SLC35D4: variants seen among roughly 807,000 people sequenced by gnomAD.
SLC35D4 encodes the protein solute carrier family 35 member D4, also known as UDP-N-acetylglucosamine transporter SLC35D4.
At chr18:23,414,998 G>T in the SLC35D4 span, among the ~76,000 whole-genome samples, 11 of 152,092 alleles carry the variant, frequency 7.2e-5, no homozygotes, top group Non-Finnish European at 1.0e-4. Context: ...TATAGTTTCA[G>T]CTACTCAGGA....
At chr18:23,353,238 A>C in the SLC35D4 span, among the ~76,000 whole-genome samples, 2 of 151,758 alleles carry the variant, frequency 1.3e-5, no homozygotes, top group Non-Finnish European at 2.9e-5. Context: ...TGCAGTTGTA[A>C]CTCCAAGCTA....
At chr18:23,426,788 CA>C in the SLC35D4 span, among the ~76,000 whole-genome samples, 1 of 152,142 alleles carries the variant, frequency 6.6e-6, no homozygotes, top group African/African-American at 2.4e-5. Flanking sequence ...CTACAGTAAC[CA>C]AAACAGCATG....
At chr18:23,376,542 A>C in the SLC35D4 span, among the ~76,000 whole-genome samples, 3 of 152,240 alleles carry the variant, frequency 2.0e-5, no homozygotes, top group Admixed American at 6.5e-5. Flanking sequence ...AATCCAAGGC[A>C]AACAGTGGGG....
the SLC35D4 span, among the ~76,000 whole-genome samples, chr18:23,411,546 A>AAAGAAAGAAAGG: frequency 2.1e-3 from 306 of 148,956 alleles, no homozygotes; most frequent in Non-Finnish European, 3.5e-3. Flanking sequence ...AGAAAGAAAG[A>AAAGAAAGAAAGG]AAGAAAGGTG....
chr18:23,251,490 A>C, the SLC35D4 span, among the ~76,000 whole-genome samples: 1 of 152,110 alleles, frequency 6.6e-6, no homozygotes, highest in African/African-American at 2.4e-5. Context: ...AGTCAGCCAA[A>C]AAAGACCCAG....
chr18:23,267,094 T>G, the SLC35D4 span, among the ~76,000 whole-genome samples: 8,916 of 152,314 alleles, frequency 0.059, 557 homozygotes, highest in Admixed American at 0.19. Flanking sequence ...GTGCTTGCCC[T>G]GCCGCCCCAC....
chr18:23,256,554 C>T, the SLC35D4 span, among the ~76,000 whole-genome samples: 723 of 152,236 alleles, frequency 4.7e-3, 3 homozygotes, highest in African/African-American at 0.017. Context: ...AATCTTGACT[C>T]ACTGCAACCT....
chr18:23,290,102 G>A, the SLC35D4 span, among the ~76,000 whole-genome samples: 3 of 152,216 alleles, frequency 2.0e-5, no homozygotes, highest in Non-Finnish European at 4.4e-5. Context: ...GATGCCGCGT[G>A]GGTGAAGCAC....
the SLC35D4 span, among the ~76,000 whole-genome samples, chr18:23,287,429 A>G: frequency 3.9e-5 from 6 of 152,218 alleles, no homozygotes; most frequent in South Asian, 1.2e-3. Context: ...CTTCACAGAC[A>G]GCCCCCATTA....
the SLC35D4 span, among the ~76,000 whole-genome samples, chr18:23,351,561 AAAT>A: frequency 6.6e-6 from 1 of 152,350 alleles, no homozygotes; most frequent in South Asian, 2.1e-4. Flanking sequence ...AGCCCAAGTT[AAAT>A]AATGATTTCA....
At chr18:23,246,998 G>A in the SLC35D4 span, among the ~76,000 whole-genome samples, 1 of 152,210 alleles carries the variant, frequency 6.6e-6, no homozygotes, top group Non-Finnish European at 1.5e-5. Flanking sequence ...CAGCTTGCAA[G>A]TTTTTATAAT....
chr18:23,301,006 G>A, the SLC35D4 span, among the ~76,000 whole-genome samples: 3 of 152,352 alleles, frequency 2.0e-5, no homozygotes, highest in South Asian at 2.1e-4. Context: ...CAGGCCCTGC[G>A]CCTAATGCAG....
the SLC35D4 span, chr18:23,297,341 G>A: frequency 6.6e-6 from 1 of 152,082 alleles, no homozygotes; most frequent in Non-Finnish European, 1.5e-5. Flanking sequence ...CCAACACAGT[G>A]AGATCCCCAT....
the SLC35D4 span, among the ~76,000 whole-genome samples, chr18:23,261,483 C>T: frequency 2.0e-5 from 3 of 151,736 alleles, no homozygotes; most frequent in Non-Finnish European, 4.4e-5. Flanking sequence ...ATTAACTGGG[C>T]ATGGTGGTAC....
the SLC35D4 span, among the ~76,000 whole-genome samples, chr18:23,349,632 A>AAAAAC: frequency 5.9e-5 from 9 of 152,270 alleles, no homozygotes; most frequent in East Asian, 1.9e-4. Flanking sequence ...CTACGTCTCA[A>AAAAAC]AAAACAAAAC....
chr18:23,331,883 C>CTTT, the SLC35D4 span, among the ~76,000 whole-genome samples: 603 of 102,940 alleles, frequency 5.9e-3, 37 homozygotes, highest in East Asian at 0.02. Context: ...TTGAACATGT[C>CTTT]TTTTTTTTTT....
At chr18:23,363,099 G>C in the SLC35D4 span, among the ~76,000 whole-genome samples, 248 of 151,692 alleles carry the variant, frequency 1.6e-3, 3 homozygotes, top group Middle Eastern at 0.01. Context: ...ACAAAAATTA[G>C]CTGGGCATGG....
the SLC35D4 span, among the ~76,000 whole-genome samples, chr18:23,364,923 AAAAAAAAAAAG>A: frequency 0.068 from 126 of 1,844 alleles, 24 homozygotes; most frequent in Non-Finnish European, 0.15. Flanking sequence ...AAAAAAAAAA[AAAAAAAAAAAG>A]GACTCCTTTC....
chr18:23,410,075 A>G, the SLC35D4 span, among the ~76,000 whole-genome samples: 2 of 152,170 alleles, frequency 1.3e-5, no homozygotes, highest in Non-Finnish European at 2.9e-5. Flanking sequence ...ATGAGAGGGA[A>G]CCTAGAAGCA....
Sources: gnomAD v4.1 joint callset for allele counts (sites outside exome capture counted in the v4.1 genomes callset) on GRCh38, gnomAD v4.1.1 for gene constraint, MANE v1.5 for transcripts, NCBI Gene and HGNC (gene_info 2026-07-23, HGNC 2026-07-21) for gene names.